XYLT1: variants seen among roughly 807,000 people sequenced by gnomAD.
XYLT1 encodes the protein beta-D-xylosyltransferase 1.
A neutral mutation model predicts 91.3 loss-of-function variants in XYLT1; 36 were observed. The ratio of observed to expected loss-of-function variants is 0.39; its 90% CI spans 0.30 to 0.52. XYLT1 has a LOEUF of 0.52. Among genes scored for constraint, XYLT1 ranks in the 20% least tolerant of loss-of-function variants. The probability of loss-of-function intolerance (pLI) is 0.68; values close to 1 mark genes in which losing one functional copy is unlikely to be tolerated. For missense variants in XYLT1, 1,242 were observed against 1,284.5 expected (o/e 0.97, Z 0.51); for synonymous variants, 588 against 532.0 (o/e 1.11, Z -1.45).
rs140286514 is a variant in XYLT1 at position 17,260,989 on chromosome 16, T to G, written c.403-1491A>C. ...TGGCTCACACCTGTAATCCCAGTAC[T>G]TTGGGAGGCCGAGGCAGGTGAATCA... On this transcript the variant is annotated intron_variant, in intron 2 of 11. Coordinates refer to ENST00000261381, the MANE Select transcript of XYLT1 (RefSeq NM_022166.4). Among the ~76,000 whole-genome samples the G allele has an allele frequency of 1.1e-4, 17 of 152,174 alleles. No homozygotes were observed. The East Asian group carries it at 3.3e-3, about 30-fold the overall frequency.
chr16:17,299,796 G>T (rs2034367389), intron 2 of XYLT1, among the ~76,000 whole-genome samples: 1 of 152,208 alleles, frequency 6.6e-6, no homozygotes, highest in African/African-American at 2.4e-5. Context: ...CGAGTTCTTA[G>T]AGAAAAGTTT....
In XYLT1 at chr16:17,198,375, T is replaced by C; in HGVS notation, c.1126A>G (p.Arg376Gly). ...GTGACGCGGACATTGCTGTACTGCC[T>C]GGAGACCTGGAGCACTTGCCGATGC... ...YLHRQVLQVS[R>G]QYSNVRVTPW... Residue 376 changes from arginine (R) to glycine (G), a missense_variant, in exon 5 of 12, where the codon AGG (arginine) becomes GGG (glycine). Arg to Gly is a moderately radical substitution (Grantham distance 125). Around this residue, in one of 3 missense-constraint regions of XYLT1, gnomAD observed 294 missense variants for 376.0 expected, o/e 0.78. Transcript: ENST00000261381. 6 of 1,614,180 alleles carry C rather than the reference T, an allele frequency of 3.7e-6. No individual in the cohort carries two copies. Among genetic ancestry groups the C allele is most frequent in the Non-Finnish European group, 5.1e-6 (6 of 1,180,014 alleles).
At chr16:17,185,152 T>C (rs771626455) in intron 5 of XYLT1, among the ~76,000 whole-genome samples, 60 of 152,270 alleles carry the variant, frequency 3.9e-4, no homozygotes, top group Middle Eastern at 3.4e-3. Context: ...CAGCCTAAAA[T>C]ACAGCTCAGG....
intron 3 of XYLT1, among the ~76,000 whole-genome samples, chr16:17,218,223 G>A (rs1033276827): frequency 3.3e-5 from 5 of 152,066 alleles, no homozygotes; most frequent in South Asian, 2.1e-4. Context: ...ACACCACTGC[G>A]CTCCAGCCTA....
chr16:17,185,251 T>C (rs1268507538), intron 5 of XYLT1, among the ~76,000 whole-genome samples: 1 of 152,226 alleles, frequency 6.6e-6, no homozygotes, highest in Non-Finnish European at 1.5e-5. Flanking sequence ...ATAACAGGGC[T>C]GAGGATATGT....
At chr16:17,387,499 T>G (rs976946189) in intron 1 of XYLT1, among the ~76,000 whole-genome samples, 1 of 152,176 alleles carries the variant, frequency 6.6e-6, no homozygotes, top group African/African-American at 2.4e-5. Context: ...AGAGGAGCTA[T>G]AAAAACCTGA....
chr16:17,117,871 C>A lies in XYLT1; in HGVS notation c.2332G>T (p.Val778Leu), dbSNP rs549518869. 3 of 1,614,102 alleles carry A rather than the reference C, an allele frequency of 1.9e-6. No homozygotes were observed. The East Asian group carries it at 6.7e-5, about 36-fold the overall frequency. Residue 778 changes from valine (V) to leucine (L), a missense_variant, in exon 11 of 12, where the codon GTG becomes TTG. Coordinates refer to ENST00000261381, the MANE Select transcript of XYLT1 (RefSeq NM_022166.4). Reference sequence around the variant, plus strand: ...TCCACCCAAATGACGGTCACGGTCACATTAGGTCCCTTCCCCCACTTCTGC... The same window carrying A: ...TCCACCCAAATGACGGTCACGGTCAAATTAGGTCCCTTCCCCCACTTCTGC... ...GMQKWGKGPN[V>L]TVTVIWVDPV...
chr16:17,185,419 T>C (rs1291498643), intron 5 of XYLT1, among the ~76,000 whole-genome samples: 4 of 152,286 alleles, frequency 2.6e-5, no homozygotes, highest in East Asian at 1.9e-4. Context: ...CCCAGGAACT[T>C]TGGGGTCTCA....
At chr16:17,180,302 T>C (rs1483694933) in intron 5 of XYLT1, among the ~76,000 whole-genome samples, 2 of 152,190 alleles carry the variant, frequency 1.3e-5, no homozygotes, top group Non-Finnish European at 2.9e-5. Context: ...TATTTAGCTG[T>C]AGGTGTCCAG....
At chr16:17,356,769 T>C (rs2141861214) in intron 2 of XYLT1, among the ~76,000 whole-genome samples, 1 of 152,318 alleles carries the variant, frequency 6.6e-6, no homozygotes, top group East Asian at 1.9e-4. Context: ...CTGTCCTGTC[T>C]GCCTACTCTC....
chr16:17,307,368 C>T (rs778289643), intron 2 of XYLT1, among the ~76,000 whole-genome samples: 5 of 152,202 alleles, frequency 3.3e-5, no homozygotes, highest in African/African-American at 4.8e-5. Context: ...AGCCACCATG[C>T]CTGGCCGAGT....
intron 1 of XYLT1, among the ~76,000 whole-genome samples, chr16:17,443,399 C>T (rs2036555221): frequency 6.6e-6 from 1 of 152,030 alleles, no homozygotes; most frequent in Non-Finnish European, 1.5e-5. Context: ...AGTGATTTCC[C>T]CCATGCTGTT....
intron 3 of XYLT1, among the ~76,000 whole-genome samples, chr16:17,228,793 G>A (rs2033112636): frequency 6.6e-6 from 1 of 152,126 alleles, no homozygotes; most frequent in African/African-American, 2.4e-5. Flanking sequence ...GCTACTTACT[G>A]AGGGCCCACT....
intron 1 of XYLT1, among the ~76,000 whole-genome samples, chr16:17,461,601 C>T (rs968978985): frequency 5.3e-5 from 8 of 151,758 alleles, no homozygotes; most frequent in East Asian, 1.9e-4. Context: ...GATGAATGGA[C>T]GGATAGATGG....
Position 17,116,202 on chromosome 16 carries a change from G to T in XYLT1, c.2557+1444C>A, listed in dbSNP as rs143349468. On this transcript the variant is annotated intron_variant, in intron 11 of 11. Coordinates refer to ENST00000261381, the MANE Select transcript of XYLT1 (RefSeq NM_022166.4). ...CCCTTAATAAAAGGAGGTGAAAAGG[G>T]GCGGGGGAAATAGAAGTATAAAAGT... Among the ~76,000 whole-genome samples the T allele has an allele frequency of 2.5e-3, 375 of 152,224 alleles. 1 individual carries two copies. The highest frequency in any genetic ancestry group is 8.8e-3 in the African/African-American group (365 of 41,540).
chr16:17,278,163 G>A (rs2034005983), intron 2 of XYLT1, among the ~76,000 whole-genome samples: 1 of 152,188 alleles, frequency 6.6e-6, no homozygotes, highest in African/African-American at 2.4e-5. Context: ...TGACCAGCCA[G>A]CCGTGCCCAG....
At chr16:17,321,346 T>C (rs1014898355) in intron 2 of XYLT1, among the ~76,000 whole-genome samples, 8 of 21,368 alleles carry the variant, frequency 3.7e-4, no homozygotes, top group Admixed American at 1.5e-3. Context: ...ACTAGCCTTT[T>C]TTTTTTTTTT....
At chr16:17,299,671 G>C (rs547143776) in intron 2 of XYLT1, among the ~76,000 whole-genome samples, 2 of 152,140 alleles carry the variant, frequency 1.3e-5, no homozygotes, top group Non-Finnish European at 2.9e-5. Context: ...GAGAAGAGAG[G>C]CTTTTTGTCC....
chr16:17,433,988 C>T (rs901155787), intron 1 of XYLT1, among the ~76,000 whole-genome samples: 1 of 152,134 alleles, frequency 6.6e-6, no homozygotes, highest in Non-Finnish European at 1.5e-5. Flanking sequence ...CATTTGGCGC[C>T]TTTAACGTTT....
Sources: gnomAD v4.1 joint callset for allele counts (sites outside exome capture counted in the v4.1 genomes callset) on GRCh38, gnomAD v4.1.1 for gene constraint, gnomAD v4.1.1 regional missense constraint, MANE v1.5 for transcripts, NCBI Gene and HGNC (gene_info 2026-07-23, HGNC 2026-07-21) for gene names.